Variants in CCDC171 observed in about 807,000 individuals in gnomAD.
CCDC171 encodes coiled-coil domain-containing protein 171.
In CCDC171, 177 loss-of-function variants were observed where a neutral mutation model predicts 168.2. The observed-to-expected ratio is 1.05, with a 90% CI of 0.93 to 1.19. CCDC171 has a LOEUF of 1.19. Among genes scored for constraint, CCDC171 ranks in the 50% most tolerant of loss-of-function variants. The pLI, the probability that CCDC171 is intolerant of heterozygous loss-of-function variation, is 0.00. For missense variants in CCDC171, 1,991 were observed against 1,539.0 expected, an observed-to-expected ratio of 1.29 and a Z score of -4.91; for synonymous variants, 687 against 540.8, an observed-to-expected ratio of 1.27 and a Z score of -3.75.
chr9:15,631,841 C>T (rs944059928), intron 7 of CCDC171, among the ~76,000 whole-genome samples: 1 of 152,188 alleles, frequency 6.6e-6, no homozygotes, highest in African/African-American at 2.4e-5. Flanking sequence ...TGGGCTTCAT[C>T]CCTGGGATGC....
intron 4 of CCDC171, among the ~76,000 whole-genome samples, chr9:15,580,477 C>A (rs2041020637): frequency 6.6e-6 from 1 of 152,104 alleles, no homozygotes; most frequent in Non-Finnish European, 1.5e-5. Flanking sequence ...TATTCACAAA[C>A]TATGCATCTG....
chr9:15,784,584 C>T lies in CCDC171; in HGVS notation c.3157C>T (p.Gln1053Ter). 1.2e-6 allele frequency: 2 copies of T among 1,613,036 alleles called. No individual in the cohort carries two copies. The highest frequency in any genetic ancestry group is 2.2e-5 in the South Asian group (2 of 91,032). The change falls in exon 21 of 26, where the codon CAA (glutamine) becomes TAA (stop). Residue 1053 changes from glutamine (Q) to a stop codon, truncating the protein, a stop_gained. Coordinates refer to ENST00000380701, the MANE Select transcript of CCDC171 (RefSeq NM_173550.4). LOFTEE classifies it high-confidence loss of function. ...TGCATTACTTCGGGAAGAGCAGGCA[C>T]AAATGCTATTGAATGAACAGGCACA... ...NNALLREEQAQMLLNEQAQQL... is the reference protein window; with the variant it reads ...NNALLREEQA
Position 15,724,754 on chromosome 9 carries a change from CTT to C in CCDC171, c.1492-20_1492-19del. 6.3e-7 allele frequency: 1 copy of C among 1,587,036 alleles called. No individual in the cohort carries two copies. The highest frequency in any genetic ancestry group is 8.6e-7 in the Non-Finnish European group (1 of 1,156,756). On this transcript the variant is annotated intron_variant, in intron 13 of 25. Coordinates refer to ENST00000380701, the MANE Select transcript of CCDC171 (RefSeq NM_173550.4). ...TTGTTGGCTGGCCTTTCTACAATCT[CTT>C]TATTTGGTATCTATGACAGGAACTT...
chr9:15,805,511 A>T (rs765717328), intron 21 of CCDC171, among the ~76,000 whole-genome samples: 1 of 152,180 alleles, frequency 6.6e-6, no homozygotes, highest in Non-Finnish European at 1.5e-5. Context: ...CCCAAAAATC[A>T]TTCAGGAGCA....
At chr9:15,949,780 A>C (rs1055811154) in intron 25 of CCDC171, among the ~76,000 whole-genome samples, 11 of 151,912 alleles carry the variant, frequency 7.2e-5, no homozygotes, top group East Asian at 1.9e-4. Context: ...CTCTTTTCCT[A>C]ATTGAATACC....
intron 7 of CCDC171, among the ~76,000 whole-genome samples, chr9:15,646,922 C>G (rs1200191015): frequency 2.6e-5 from 4 of 152,218 alleles, no homozygotes; most frequent in African/African-American, 9.6e-5. Flanking sequence ...CTACAGAACT[C>G]TCCACCCCAA....
chr9:15,703,201 C>T (rs181171001), intron 11 of CCDC171, among the ~76,000 whole-genome samples: 19 of 152,272 alleles, frequency 1.2e-4, no homozygotes, highest in African/African-American at 2.2e-4. Flanking sequence ...CCACCACGCC[C>T]GGCCGGGCCT....
At chr9:15,994,627 C>A (rs1015496703) in intron 3 of CCDC171, among the ~76,000 whole-genome samples, 1 of 152,152 alleles carries the variant, frequency 6.6e-6, no homozygotes, top group African/African-American at 2.4e-5. Context: ...GACACAATTT[C>A]TTGTTCTGTT....
At chr9:15,596,907 A>G (rs577893976) in intron 6 of CCDC171, among the ~76,000 whole-genome samples, 1 of 152,178 alleles carries the variant, frequency 6.6e-6, no homozygotes. Context: ...CTTTGAAGCA[A>G]TTGTGAATGA....
chr9:15,655,641 C>T (rs1386503120), intron 7 of CCDC171, among the ~76,000 whole-genome samples: 1 of 152,174 alleles, frequency 6.6e-6, no homozygotes, highest in Admixed American at 6.5e-5. Context: ...TGGGAGAAAA[C>T]ATTTGCAAAT....
At chr9:15,927,251 C>T (rs940310722) in intron 25 of CCDC171, among the ~76,000 whole-genome samples, 6 of 151,446 alleles carry the variant, frequency 4.0e-5, no homozygotes, top group Non-Finnish European at 8.9e-5. Flanking sequence ...GGTCTTTGGC[C>T]CATTAACTTA....
At chr9:15,767,381 T>C (rs975189425) in intron 18 of CCDC171, among the ~76,000 whole-genome samples, 13 of 152,222 alleles carry the variant, frequency 8.5e-5, no homozygotes, top group African/African-American at 2.9e-4. Context: ...CAAATCTCTC[T>C]CTGACTCTGA....
In CCDC171 at chr9:15,722,669, A is replaced by T. The variant is rs185489901; in HGVS notation, c.1425+794A>T. ...ATCCTTGTGTGTATCTCTTTCTTTC[A>T]TATAATATAAATGCCATAAAACGGT... On this transcript the variant is annotated intron_variant, in intron 12 of 25. Coordinates refer to ENST00000380701, the MANE Select transcript of CCDC171 (RefSeq NM_173550.4). 3.4e-3 allele frequency among the ~76,000 whole-genome samples: 525 copies of T among 152,308 alleles called. 2 individuals carry two copies. The highest frequency in any genetic ancestry group is 5.3e-3 in the Non-Finnish European group (362 of 68,016).
At chr9:16,049,290 A>T (rs1022261741) in intron 1 of CCDC171, among the ~76,000 whole-genome samples, 11 of 152,222 alleles carry the variant, frequency 7.2e-5, no homozygotes, top group Non-Finnish European at 1.5e-4. Flanking sequence ...GATGAGGGGT[A>T]GAATTGTGGA....
rs71304894 is a variant in CCDC171 at position 15,701,577 on chromosome 9, AT to A, written c.1318+6260del. Among the ~76,000 whole-genome samples the A allele has an allele frequency of 5.7e-3, 701 of 122,098 alleles. 6 individuals are homozygous for A. Among genetic ancestry groups the A allele is most frequent in the African/African-American group, 0.017 (559 of 32,724 alleles). The allele number at this position is 122,098 out of a possible 152,430, so 80.1% of individuals were successfully genotyped here. On this transcript the variant is annotated intron_variant, in intron 11 of 25. Transcript: ENST00000380701. ...ACCATTTTACCCTCAGTACAATTCC[AT>A]TTTTTTTTTTTTTTTTTTTGAGACA...
chr9:15,796,623 T>C (rs2058569041), intron 21 of CCDC171, among the ~76,000 whole-genome samples: 1 of 152,248 alleles, frequency 6.6e-6, no homozygotes, highest in African/African-American at 2.4e-5. Flanking sequence ...TACAGCAGTC[T>C]GAGCTCCCTG....
intron 10 of CCDC171, among the ~76,000 whole-genome samples, chr9:15,691,833 A>G (rs1203533797): frequency 1.3e-5 from 2 of 151,834 alleles, no homozygotes; most frequent in East Asian, 3.9e-4. Context: ...ATGTGCCACC[A>G]TGGCTGTCTG....
chr9:15,834,873 T>C (rs1045586059), intron 21 of CCDC171, among the ~76,000 whole-genome samples: 1 of 152,222 alleles, frequency 6.6e-6, no homozygotes, highest in Non-Finnish European at 1.5e-5. Flanking sequence ...TTTTATCTTA[T>C]TTTAGGAGTA....
the CCDC171 span, among the ~76,000 whole-genome samples, chr9:16,099,637 C>T: frequency 6.6e-6 from 1 of 152,210 alleles, no homozygotes; most frequent in East Asian, 1.9e-4. Flanking sequence ...ATGAAGGGGG[C>T]ATCCAAACTC....
Sources: gnomAD v4.1 joint callset for allele counts (sites outside exome capture counted in the v4.1 genomes callset) on GRCh38, gnomAD v4.1.1 for gene constraint, MANE v1.5 for transcripts, NCBI Gene and HGNC (gene_info 2026-07-23, HGNC 2026-07-21) for gene names.